Variants in ADAMTS12 observed in about 807,000 individuals in gnomAD.
ADAMTS12 encodes A disintegrin and metalloproteinase with thrombospondin motifs 12.
In ADAMTS12, 118 loss-of-function variants were observed where a neutral mutation model predicts 167.8. The ratio of observed to expected loss-of-function variants is 0.70; its 90% CI spans 0.61 to 0.82. ADAMTS12 has a LOEUF of 0.82. Ranked by LOEUF, ADAMTS12 falls within the 40% of genes least tolerant of loss-of-function variation. ADAMTS12 has a pLI of 0.00. For synonymous variants in ADAMTS12, 704 were observed against 716.9 expected (o/e 0.98, Z 0.29); for missense variants, 1,916 against 1,998.8 (o/e 0.96, Z 0.79).
At chr5:33,807,528 C>A (rs1394178601) in intron 2 of ADAMTS12, among the ~76,000 whole-genome samples, 1 of 152,148 alleles carries the variant, frequency 6.6e-6, no homozygotes, top group East Asian at 1.9e-4. Flanking sequence ...ATGTAAAGTT[C>A]TTTATTTCAG....
intron 2 of ADAMTS12, among the ~76,000 whole-genome samples, chr5:33,842,464 T>C (rs967535771): frequency 3.3e-5 from 5 of 151,972 alleles, no homozygotes; most frequent in African/African-American, 1.2e-4. Context: ...AAAGGGAGGG[T>C]TCACAAAAGT....
At chr5:33,546,387 G>C (rs1179717164) in intron 21 of ADAMTS12, among the ~76,000 whole-genome samples, 185 bp from the exon 22 acceptor site, 1 of 151,706 alleles carries the variant, frequency 6.6e-6, no homozygotes, top group South Asian at 2.1e-4. Flanking sequence ...AAAAAAAAAA[G>C]GGGGGGAAAC....
intron 5 of ADAMTS12, among the ~76,000 whole-genome samples, chr5:33,676,517 C>A (rs1741910238): frequency 6.8e-6 from 1 of 148,100 alleles, no homozygotes; most frequent in African/African-American, 2.6e-5. Context: ...GTAGTGAGAC[C>A]CCATCTTTAA....
rs551308271 is a variant in ADAMTS12 at position 33,697,326 on chromosome 5, TA to T, written c.635-13272del. Among the ~76,000 whole-genome samples, 387 of 152,276 alleles carry T rather than the reference TA, an allele frequency of 2.5e-3. 2 individuals are homozygous for T. Among genetic ancestry groups the T allele is most frequent in the Non-Finnish European group, 2.9e-3 (194 of 68,012 alleles). ...CAAATGATAAATGATTAAATGTCAC[TA>T]AGAGTGATGAGAGGCATTTAAAAGG... On this transcript the variant is annotated intron_variant, in intron 3 of 23. Coordinates refer to ENST00000504830, the MANE Select transcript of ADAMTS12 (RefSeq NM_030955.4).
chr5:33,740,978 C>A (rs1289620595), intron 3 of ADAMTS12, among the ~76,000 whole-genome samples: 1 of 152,230 alleles, frequency 6.6e-6, no homozygotes, highest in Non-Finnish European at 1.5e-5. Context: ...TTTCAAGACG[C>A]TACCTCAAAG....
rs914470965 is a variant in ADAMTS12 at position 33,864,686 on chromosome 5, G to T, written c.489+16433C>A. On this transcript the variant is annotated intron_variant, in intron 2 of 23. Transcript: ENST00000504830. ...AAAAAAGGATTAGTTCATGTCCTTT[G>T]CAGGGACATGGATGAAGGTGGAAAC... Among the ~76,000 whole-genome samples, 9 of 152,144 alleles carry T rather than the reference G, an allele frequency of 5.9e-5. No homozygotes were observed. In the East Asian group the frequency reaches 1.2e-3, roughly 20 times the overall value.
At chr5:33,795,694 G>C (rs1549259) in intron 2 of ADAMTS12, among the ~76,000 whole-genome samples, 113,534 of 151,914 alleles carry the variant, frequency 0.75, 42,664 homozygotes, top group Middle Eastern at 0.79. Flanking sequence ...GCCATTCTTC[G>C]TCTCTGTCAG....
chr5:33,523,542 G>C lies in ADAMTS12; in HGVS notation c.*3646C>G, dbSNP rs1439871227. 6.6e-6 allele frequency: 1 copy of C among 152,140 alleles called. No individual in the cohort carries two copies. Among genetic ancestry groups the C allele is most frequent in the Non-Finnish European group, 1.5e-5 (1 of 68,028 alleles). The allele number at this position is 152,140 out of a possible 1,614,324, so 9.4% of individuals were successfully genotyped here. On this transcript the variant is annotated 3_prime_UTR_variant, in exon 24 of 24. Transcript: ENST00000504830. The stretch of plus-strand genomic sequence containing the variant: ...ATCACACAGAAACATCAATGAGTTT[G>C]GCTATTTATTGATGCCACACAGAGG...
chr5:33,610,257 A>G (rs1738666535), intron 16 of ADAMTS12, among the ~76,000 whole-genome samples: 1 of 152,208 alleles, frequency 6.6e-6, no homozygotes, highest in Non-Finnish European at 1.5e-5. Flanking sequence ...AATTGACTTG[A>G]TGAGGTGTGT....
chr5:33,870,070 C>A (rs55737732), intron 2 of ADAMTS12, among the ~76,000 whole-genome samples: 15,276 of 152,196 alleles, frequency 0.1, 1,413 homozygotes, highest in African/African-American at 0.24. Flanking sequence ...TGGCTCTGTC[C>A]TGCCTGGCCC....
intron 2 of ADAMTS12, among the ~76,000 whole-genome samples, chr5:33,867,875 C>T (rs1315218716): frequency 6.6e-6 from 1 of 152,102 alleles, no homozygotes; most frequent in Non-Finnish European, 1.5e-5. Context: ...CTGTAATCCC[C>T]AGTGTTGGAG....
intron 2 of ADAMTS12, among the ~76,000 whole-genome samples, chr5:33,826,574 G>GTC (rs1748078991): frequency 1.5e-5 from 1 of 66,944 alleles, no homozygotes; most frequent in South Asian, 6.6e-4. Context: ...GTATGTGTAT[G>GTC]TGTGTGTGTG....
chr5:33,614,376 G>A lies in ADAMTS12; in HGVS notation c.2389C>T (p.Leu797Phe), dbSNP rs754279083. The A allele has an allele frequency of 6.2e-7, 1 of 1,613,946 alleles. No individual in the cohort carries two copies. Among genetic ancestry groups the A allele is most frequent in the Non-Finnish European group, 8.5e-7 (1 of 1,179,874 alleles). ...GPTNESVWIQ[L>F]LFQVTNPGIK... is the part of the protein sequence containing the mutation. ...CCAGGGTTAGTCACCTGGAATAGAA[G>A]CTAAAAGGCAAGAGAGGGGTCATGT... Residue 797 changes from leucine (L) to phenylalanine (F), a missense_variant and splice_region_variant, in exon 16 of 24, where the codon CTT (leucine) becomes TTT (phenylalanine). Transcript: ENST00000504830.
intron 2 of ADAMTS12, among the ~76,000 whole-genome samples, chr5:33,761,547 A>T (rs555551637): frequency 1.3e-5 from 2 of 152,348 alleles, no homozygotes; most frequent in East Asian, 3.9e-4. Flanking sequence ...GTGAGATGTT[A>T]GAGACATAAA....
At chr5:33,842,234 C>A (rs1326931977) in intron 2 of ADAMTS12, among the ~76,000 whole-genome samples, 1 of 152,186 alleles carries the variant, frequency 6.6e-6, no homozygotes, top group East Asian at 1.9e-4. Context: ...AATTGGTAAT[C>A]CTATGCAAAA....
intron 2 of ADAMTS12, among the ~76,000 whole-genome samples, chr5:33,812,092 C>T (rs1294955514): frequency 6.6e-6 from 1 of 152,026 alleles, no homozygotes; most frequent in African/African-American, 2.4e-5. Context: ...TTGAGACTAG[C>T]CTGGGCAATA....
At chr5:33,757,440 G>A (rs1394041181) in intron 2 of ADAMTS12, among the ~76,000 whole-genome samples, 3 of 152,168 alleles carry the variant, frequency 2.0e-5, no homozygotes, top group African/African-American at 4.8e-5. Context: ...AACCACGGAC[G>A]GGGGCTGTGA....
chr5:33,800,410 G>A (rs866413842), intron 2 of ADAMTS12, among the ~76,000 whole-genome samples: 1 of 152,168 alleles, frequency 6.6e-6, no homozygotes, highest in Non-Finnish European at 1.5e-5. Flanking sequence ...GAGTCACTGC[G>A]GATATGTGGG....
chr5:33,704,639 A>G (rs1446871777), intron 3 of ADAMTS12, among the ~76,000 whole-genome samples: 1 of 152,160 alleles, frequency 6.6e-6, no homozygotes, highest in Middle Eastern at 3.2e-3. Flanking sequence ...GGCCATTTAT[A>G]TGCCTTCTTT....
Sources: gnomAD v4.1 joint callset for allele counts (sites outside exome capture counted in the v4.1 genomes callset) on GRCh38, gnomAD v4.1.1 for gene constraint, MANE v1.5 for transcripts, NCBI Gene and HGNC (gene_info 2026-07-23, HGNC 2026-07-21) for gene names.